The following PDE1C variants were observed in gnomAD, a reference collection of about 807,000 sequenced individuals.
PDE1C encodes phosphodiesterase 1C, also known as dual specificity calcium/calmodulin-dependent 3',5'-cyclic nucleotide phosphodiesterase 1C.
Under a neutral mutation model 93.1 loss-of-function variants are expected in PDE1C, and 62 were observed. The observed-to-expected ratio is 0.67, with a 90% CI of 0.54 to 0.82. The LOEUF is 0.82. Ranked by LOEUF, PDE1C falls within the 40% of genes least tolerant of loss-of-function variation. The probability of loss-of-function intolerance (pLI) is 0.00; values close to 1 mark genes in which losing one functional copy is unlikely to be tolerated. For missense variants in PDE1C, 742 were observed against 884.6 expected, an observed-to-expected ratio of 0.84 and a Z score of 2.04; for synonymous variants, 325 against 310.1, an observed-to-expected ratio of 1.05 and a Z score of -0.50.
chr7:32,154,409 G>A (rs1382593061), intron 3 of PDE1C, among the ~76,000 whole-genome samples: 1 of 152,106 alleles, frequency 6.6e-6, no homozygotes, highest in East Asian at 1.9e-4. Context: ...AGAGGTCCCA[G>A]GTACGCATTA....
chr7:32,231,015 T>C (rs1487216631), intron 1 of PDE1C, among the ~76,000 whole-genome samples: 10 of 152,170 alleles, frequency 6.6e-5, no homozygotes, highest in Non-Finnish European at 2.9e-5. Context: ...GTGGGGATAA[T>C]TATTTAAATG....
chr7:32,085,679 G>A lies in PDE1C; in HGVS notation c.308+84106C>T, dbSNP rs1004206882. On this transcript the variant is annotated intron_variant, in intron 3 of 18. Coordinates refer to the PDE1C transcript ENST00000396193. Reference sequence around the variant, plus strand: ...CATGATCAAGTGGGCTTCATCCCTGGGATGCAAGGCTGGTTCAATATACAC... The same window carrying A: ...CATGATCAAGTGGGCTTCATCCCTGAGATGCAAGGCTGGTTCAATATACAC... 1.0e-3 allele frequency among the ~76,000 whole-genome samples: 151 copies of A among 149,744 alleles called. 6 individuals are homozygous for A. The highest frequency in any genetic ancestry group is 2.7e-4 in the Non-Finnish European group (18 of 67,338).
chr7:32,059,979 C>G (rs74965060), intron 1 of PDE1C, among the ~76,000 whole-genome samples: 1 of 151,980 alleles, frequency 6.6e-6, no homozygotes, highest in Non-Finnish European at 1.5e-5. Flanking sequence ...CCTGGGAGCC[C>G]GTCTCCTGCT....
intron 2 of PDE1C, among the ~76,000 whole-genome samples, chr7:31,919,957 G>T (rs919146725): frequency 7.2e-5 from 11 of 152,150 alleles, no homozygotes; most frequent in Non-Finnish European, 1.3e-4. Context: ...CACTCTCCCT[G>T]CCTGTCTTAA....
chr7:32,417,234 T>C (rs215747), intron 1 of PDE1C, among the ~76,000 whole-genome samples: 112,947 of 151,760 alleles, frequency 0.74, 42,502 homozygotes, highest in African/African-American at 0.85. Context: ...GTACAAAGCA[T>C]GAGTGAATCC....
intron 2 of PDE1C, among the ~76,000 whole-genome samples, chr7:32,183,449 A>G (rs1393406054): frequency 6.6e-6 from 1 of 152,246 alleles, no homozygotes; most frequent in Non-Finnish European, 1.5e-5. Context: ...GTACCAAAAC[A>G]GAGATATAGA....
At chr7:32,034,981 T>C (rs1231345543) in intron 2 of PDE1C, among the ~76,000 whole-genome samples, 1 of 152,160 alleles carries the variant, frequency 6.6e-6, no homozygotes, top group South Asian at 2.1e-4. Context: ...TATGGCTATT[T>C]TTATTATTAC....
chr7:31,671,944 G>A, the PDE1C span, among the ~76,000 whole-genome samples: 1 of 152,196 alleles, frequency 6.6e-6, no homozygotes, highest in Non-Finnish European at 1.5e-5. Context: ...GTACTTGTGT[G>A]ATGGAAATGT....
chr7:31,951,296 A>C (rs1044581947), intron 2 of PDE1C, among the ~76,000 whole-genome samples: 1 of 152,138 alleles, frequency 6.6e-6, no homozygotes, highest in South Asian at 2.1e-4. Flanking sequence ...GAGTTTATCT[A>C]TTATTCCTTT....
intron 3 of PDE1C, among the ~76,000 whole-genome samples, chr7:32,079,376 G>A (rs1049557332): frequency 6.6e-6 from 1 of 152,220 alleles, no homozygotes; most frequent in Non-Finnish European, 1.5e-5. Flanking sequence ...ACAGGGTGCA[G>A]TGCAGAGAAC....
chr7:32,144,878 G>C (rs538794278), intron 3 of PDE1C, among the ~76,000 whole-genome samples: 1 of 152,078 alleles, frequency 6.6e-6, no homozygotes, highest in South Asian at 2.1e-4. Context: ...AATTTTCCAT[G>C]CGTTAGCTCT....
intron 6 of PDE1C, among the ~76,000 whole-genome samples, chr7:31,872,631 G>C (rs767772037): frequency 6.6e-6 from 1 of 152,070 alleles, no homozygotes; most frequent in Non-Finnish European, 1.5e-5. Context: ...TTTTCCAGAG[G>C]CTCATCCCTT....
In PDE1C at chr7:31,831,687, A is replaced by G. The variant is rs571830804; in HGVS notation, c.1204-3314T>C. On this transcript the variant is annotated intron_variant, in intron 11 of 17. Coordinates refer to ENST00000396191, the MANE Select transcript of PDE1C (RefSeq NM_001191057.4). ...AAATAACAATAATAAAATAAAGTGAAGAAGAAAAGAGAGGAGGAGGAGAAG... is the reference window on the plus strand; with the variant it reads ...AAATAACAATAATAAAATAAAGTGAGGAAGAAAAGAGAGGAGGAGGAGAAG... Among the ~76,000 whole-genome samples the G allele has an allele frequency of 1.4e-4, 22 of 152,260 alleles. No individual in the cohort carries two copies. In the East Asian group the frequency reaches 4.2e-3, roughly 29 times the overall value.
the PDE1C span, among the ~76,000 whole-genome samples, chr7:31,655,486 A>G: frequency 6.6e-6 from 1 of 152,148 alleles, no homozygotes; most frequent in African/African-American, 2.4e-5. Flanking sequence ...TGTGGGTCAT[A>G]TTTGCTGGAT....
intron 2 of PDE1C, among the ~76,000 whole-genome samples, chr7:31,913,084 A>G (rs1801449799): frequency 6.6e-6 from 1 of 152,134 alleles, no homozygotes; most frequent in Non-Finnish European, 1.5e-5. Flanking sequence ...CTGTTGATTC[A>G]CCATATCAGT....
chr7:32,314,191 G>A (rs1479816217), intron 1 of PDE1C, among the ~76,000 whole-genome samples: 2 of 152,126 alleles, frequency 1.3e-5, no homozygotes, highest in African/African-American at 2.4e-5. Flanking sequence ...TTACAGCTCT[G>A]GCATTAGAAA....
chr7:31,861,412 A>G (rs773580089), intron 7 of PDE1C, among the ~76,000 whole-genome samples: 9 of 151,920 alleles, frequency 5.9e-5, no homozygotes, highest in Non-Finnish European at 1.3e-4. Context: ...GTCCAAGACT[A>G]CCTAATCTAC....
At chr7:32,197,773 T>G (rs1420575363) in intron 2 of PDE1C, among the ~76,000 whole-genome samples, 1 of 152,128 alleles carries the variant, frequency 6.6e-6, no homozygotes, top group Non-Finnish European at 1.5e-5. Flanking sequence ...AAGAAATATT[T>G]AAATAGCCTT....
intron 2 of PDE1C, among the ~76,000 whole-genome samples, chr7:31,950,867 T>C (rs575695030): frequency 1.3e-5 from 2 of 152,198 alleles, no homozygotes; most frequent in Non-Finnish European, 2.9e-5. Context: ...CAGCATATCC[T>C]GAGTGTACGA....
Sources: gnomAD v4.1 joint callset for allele counts (sites outside exome capture counted in the v4.1 genomes callset) on GRCh38, gnomAD v4.1.1 for gene constraint, MANE v1.5 for transcripts, NCBI Gene and HGNC (gene_info 2026-07-23, HGNC 2026-07-21) for gene names.